Variants in KANK3 observed in about 807,000 individuals in gnomAD.
The protein encoded by KANK3 is KN motif and ankyrin repeat domains 3, also known as KN motif and ankyrin repeat domain-containing protein 3.
Under a neutral mutation model 65.4 loss-of-function variants are expected in KANK3, and 61 were observed. That is an observed-to-expected ratio of 0.93 (90% CI 0.76 to 1.15). The LOEUF (loss-of-function observed/expected upper bound fraction) is 1.15, where lower values mean the gene tolerates loss of function less well. KANK3 is among the 50% of genes most tolerant of loss of function. The probability of loss-of-function intolerance (pLI) is 0.00; values close to 1 mark genes in which losing one functional copy is unlikely to be tolerated. For missense variants in KANK3, 1,187 were observed against 1,178.8 expected, an observed-to-expected ratio of 1.01 and a Z score of -0.10; for synonymous variants, 586 against 543.3, an observed-to-expected ratio of 1.08 and a Z score of -1.09.
rs147457593 is a variant in KANK3, at chr19:8,340,291, TACACACAC to T, written c.-28-2443_-28-2436del. 2.5e-4 allele frequency among the ~76,000 whole-genome samples: 23 copies of T among 92,824 alleles called. 1 individual carries two copies. The highest frequency in any genetic ancestry group is 5.9e-3 in the Middle Eastern group (1 of 170). The allele number at this position is 92,824 out of a possible 152,430, so 60.9% of individuals were successfully genotyped here. A position where few individuals can be genotyped will look rare whatever the true frequency, so the allele number is the denominator to read the frequency against. On this transcript the variant is annotated intron_variant, in intron 1 of 10. Transcript: ENST00000330915. ...AAAAAAAACCATATATATATATATA[TACACACAC>T]ACACACACACACACACACACAGCCC...
chr19:8,335,612 C>A lies in KANK3; in HGVS notation c.215G>T (p.Arg72Leu). The A allele has an allele frequency of 8.1e-7, 1 of 1,236,998 alleles. No homozygotes were observed. Among genetic ancestry groups the A allele is most frequent in the East Asian group, 3.2e-5 (1 of 31,150 alleles). The allele number at this position is 1,236,998 out of a possible 1,614,324, so 76.6% of individuals were successfully genotyped here. ...RRAPGPPTSR[R>L]PRAPRPGLAG... Reference sequence around the variant, plus strand: ...GAGGCCGGGCCGGGGCGCGCGGGGACGGCGCGAGGTCGGGGGTCCCGGGGC... The same window carrying A: ...GAGGCCGGGCCGGGGCGCGCGGGGAAGGCGCGAGGTCGGGGGTCCCGGGGC... Residue 72 changes from arginine (R) to leucine (L), a missense_variant, in exon 3 of 11, where the codon CGT becomes CTT. Arg to Leu is a moderately radical substitution (Grantham distance 102). This residue lies in a region of KANK3 where 104 missense variants were observed against 122.1 expected (regional missense o/e 0.85). Transcript: ENST00000330915.
At chr19:8,341,611 A>G (rs536630066) in intron 1 of KANK3, among the ~76,000 whole-genome samples, 1 of 152,142 alleles carries the variant, frequency 6.6e-6, no homozygotes, top group African/African-American at 2.4e-5. Flanking sequence ...GAGTTTCACC[A>G]TGTTGGCCAG....
chr19:8,333,567 G>A lies in KANK3; in HGVS notation c.1719+157C>T, dbSNP rs1970568804. 6.6e-6 allele frequency among the ~76,000 whole-genome samples: 1 copy of A among 152,180 alleles called. No homozygotes were observed. The highest frequency in any genetic ancestry group is 1.5e-5 in the Non-Finnish European group (1 of 68,026). ...TTTTTGGGGAAACCAAGGAAAGATCGGCGCTGTCCTGGGAAGGAGATCCCT... is the reference window on the plus strand; with the variant it reads ...TTTTTGGGGAAACCAAGGAAAGATCAGCGCTGTCCTGGGAAGGAGATCCCT... On this transcript the variant is annotated intron_variant, in intron 6 of 10. Coordinates refer to ENST00000330915, the MANE Select transcript of KANK3 (RefSeq NM_198471.3). The surrounding 1 kb of genome is among the most constrained non-coding windows in gnomAD (Gnocchi z 5.0).
At chr19:8,335,909 A>C in intron 2 of KANK3, 117 bp from the exon 3 acceptor site, 1 of 685,638 alleles carries the variant, frequency 1.5e-6, no homozygotes, top group African/African-American at 1.9e-5. Flanking sequence ...TCTGTACCCA[A>C]GTATTAACTC....
chr19:8,341,898 T>A (rs1324061734), intron 1 of KANK3, among the ~76,000 whole-genome samples: 1 of 152,238 alleles, frequency 6.6e-6, no homozygotes, highest in African/African-American at 2.4e-5. Context: ...CAGAACAGTT[T>A]AGTGTCCTGC....
Position 8,333,258 on chromosome 19 carries a change from T to G in KANK3, c.1720-28A>C. ...GCAAGGGACAGGGGCCAAGATAACA[T>G]CGGCGATGGTCCACGGCGGCGCCGT... On this transcript the variant is annotated intron_variant, in intron 6 of 10. Coordinates refer to ENST00000330915, the MANE Select transcript of KANK3 (RefSeq NM_198471.3). The surrounding 1 kb of genome is among the most constrained non-coding windows in gnomAD (Gnocchi z 5.0). The G allele has an allele frequency of 1.3e-6, 2 of 1,562,468 alleles. No homozygotes were observed. Among genetic ancestry groups the G allele is most frequent in the Non-Finnish European group, 8.7e-7 (1 of 1,145,366 alleles).
Position 8,334,105 on chromosome 19 carries a change from G to A in KANK3, c.1439C>T (p.Ser480Phe). 6.6e-7 allele frequency: 1 copy of A among 1,519,418 alleles called. No individual in the cohort carries two copies. The allele number at this position is 1,519,418 out of a possible 1,614,324, so 94.1% of individuals were successfully genotyped here. ...VGVLNGEYES[S>F]SSEDASDSDG... ...GCTGTCGCTGGCGTCCTCGCTGGAG[G>A]AGCTCTCGTACCTGGGGGCAGGGTG... The change falls in exon 5 of 11, where the codon TCC (serine) becomes TTC (phenylalanine). Residue 480 changes from serine to phenylalanine, a missense_variant. Transcript: ENST00000330915.
At chr19:8,331,512 G>A (rs1418114864) in intron 7 of KANK3, among the ~76,000 whole-genome samples, 4 of 152,172 alleles carry the variant, frequency 2.6e-5, no homozygotes, top group African/African-American at 9.7e-5. Flanking sequence ...AGTACCAGAG[G>A]TGCCCAAAGG....
At chr19:8,323,185 T>G in intron 10 of KANK3, 1 of 303,102 alleles carries the variant, frequency 3.3e-6, no homozygotes, top group Non-Finnish European at 6.1e-6. Context: ...GTATTGCAAG[T>G]TGAAATGTGT....
intron 10 of KANK3, chr19:8,323,237 C>T (rs1970355636): frequency 4.8e-6 from 1 of 206,356 alleles, no homozygotes; most frequent in Non-Finnish European, 9.7e-6. Context: ...TTAGCATGGT[C>T]CATCTTAAGC....
In KANK3 at chr19:8,334,412, G is replaced by A. The variant is rs1000648099; in HGVS notation, c.1335C>T (p.Leu445=). The A allele has an allele frequency of 3.1e-6, 5 of 1,613,816 alleles. No homozygotes were observed. The highest frequency in any genetic ancestry group is 1.3e-5 in the African/African-American group (1 of 74,952). ...GDRAVAPAGI[L]KSIMKKRDGT... ...CGTCTCTCTTCTTCATGATGGATTT[G>A]AGGATGCCTGGCGGGGATGAGATGA... Residue 445 remains leucine (L), a synonymous_variant, in exon 4 of 11, where the codon CTC becomes CTT. Transcript: ENST00000330915.
Position 8,334,598 on chromosome 19 carries a change from T to A in KANK3, c.1229A>T (p.Glu410Val). Residue 410 changes from glutamate (E) to valine (V), a missense_variant, in exon 3 of 11, where the codon GAA becomes GTA. Coordinates refer to ENST00000330915, the MANE Select transcript of KANK3 (RefSeq NM_198471.3). ...ATTQTPWSCA[E>V]KAAQTESPAE... Reference sequence around the variant, plus strand: ...CGGGGACTCGGTCTGCGCGGCCTTTTCGGCACAGCTCCACGGGGTCTGGGT... The same window carrying A: ...CGGGGACTCGGTCTGCGCGGCCTTTACGGCACAGCTCCACGGGGTCTGGGT... 1 of 1,587,736 alleles carries A rather than the reference T, an allele frequency of 6.3e-7. No individual in the cohort carries two copies. The highest frequency in any genetic ancestry group is 1.3e-5 in the African/African-American group (1 of 74,818).
At chr19:8,323,955 G>A (rs1337783681) in intron 10 of KANK3, among the ~76,000 whole-genome samples, 1 of 152,150 alleles carries the variant, frequency 6.6e-6, no homozygotes, top group Non-Finnish European at 1.5e-5. Flanking sequence ...ATGCCAAAGG[G>A]CTCCTTTTTC....
chr19:8,333,609 C>T lies in KANK3; in HGVS notation c.1719+115G>A. 1.2e-6 allele frequency: 1 copy of T among 819,412 alleles called. No individual in the cohort carries two copies. The highest frequency in any genetic ancestry group is 1.8e-6 in the Non-Finnish European group (1 of 551,432). 50.8% of individuals were successfully genotyped at this position (819,412 alleles called of 1,614,324 possible). On this transcript the variant is annotated intron_variant, in intron 6 of 10. Transcript: ENST00000330915. The surrounding 1 kb of genome is among the most constrained non-coding windows in gnomAD (Gnocchi z 5.0). ...GAGATCCCTTCGGAGAGCCTGGGGT[C>T]AGGCGAGGTGCCTGGCGGGAAGGGA... is the stretch of plus-strand genomic sequence containing the variant.
intron 7 of KANK3, among the ~76,000 whole-genome samples, chr19:8,332,093 A>T (rs1421895339): frequency 2.8e-5 from 4 of 145,224 alleles, no homozygotes; most frequent in African/African-American, 1.0e-4. Context: ...TCCTGGGTTC[A>T]AGTAATCCTC....
In KANK3 at chr19:8,334,062, G is replaced by A. The variant is rs1281903179; in HGVS notation, c.1482C>T (p.Asn494=). ...AGCTACCCGGGGGCTCGGCGCCACC[G>A]TTCTCGCTGTCGCCATCGCTGTCGC... The part of the protein sequence containing the change: ...DASDSDGDSE[N]GGAEPPGSSS... Residue 494 remains asparagine, a synonymous_variant, in exon 5 of 11, where the codon AAC becomes AAT. Transcript: ENST00000330915. The A allele has an allele frequency of 6.6e-7, 1 of 1,515,042 alleles. No individual in the cohort carries two copies. The highest frequency in any genetic ancestry group is 8.8e-7 in the Non-Finnish European group (1 of 1,138,652). The allele number at this position is 1,515,042 out of a possible 1,614,324, so 93.8% of individuals were successfully genotyped here.
At chr19:8,325,866 G>A (rs762573954) in intron 7 of KANK3, among the ~76,000 whole-genome samples, 24 of 150,704 alleles carry the variant, frequency 1.6e-4, no homozygotes, top group African/African-American at 3.7e-4. Context: ...TCATTCTGTC[G>A]CCCAGGCTGG....
At chr19:8,334,294 T>C (rs1970586493) in intron 4 of KANK3, 26 bp downstream of exon 4, 11 of 1,613,156 alleles carry the variant, frequency 6.8e-6, no homozygotes, top group Non-Finnish European at 9.3e-6. Flanking sequence ...CGGCAGAAGC[T>C]GCCACAGGAG....
rs200557228 is a variant in KANK3, at chr19:8,334,506, G to C, written c.1321C>G (p.Pro441Ala). 360 of 1,604,940 alleles carry C rather than the reference G, an allele frequency of 2.2e-4. 1 individual carries two copies. Among genetic ancestry groups the C allele is most frequent in the South Asian group, 2.2e-3 (200 of 90,942 alleles). ...CGACGGGGTCGGGACTCACCCGCGG[G>C]CGCCACGGCCCTGTCTCCGTCCATG... ...GSMDGDRAVA[P>A]AGILKSIMKK... Residue 441 changes from proline to alanine, a missense_variant, in exon 3 of 11, where the codon CCC becomes GCC. Around this residue, in one of 3 missense-constraint regions of KANK3, gnomAD observed 1,078 missense variants for 1,038.2 expected, o/e 1.04. Transcript: ENST00000330915.
Sources: allele counts gnomAD v4.1 joint callset (sites outside exome capture counted in the v4.1 genomes callset), GRCh38; gene constraint gnomAD v4.1.1; regional missense constraint gnomAD v4.1.1; non-coding constraint Gnocchi (gnomAD v3.1); transcripts MANE v1.5; gene names NCBI Gene and HGNC (gene_info 2026-07-23, HGNC 2026-07-21).